The following DUSP15 variants were observed in gnomAD, a reference collection of about 807,000 sequenced individuals.
DUSP15 encodes dual specificity protein phosphatase 15.
A neutral mutation model predicts 26.3 loss-of-function variants in DUSP15; 23 were observed. The ratio of observed to expected loss-of-function variants is 0.87; its 90% CI spans 0.63 to 1.24. The LOEUF (loss-of-function observed/expected upper bound fraction) is 1.24, where lower values mean the gene tolerates loss of function less well. DUSP15 is among the 50% of genes most tolerant of loss of function. The pLI is 0.00. For missense variants in DUSP15, 364 were observed against 320.6 expected, an observed-to-expected ratio of 1.14 and a Z score of -1.03; for synonymous variants, 143 against 135.5, an observed-to-expected ratio of 1.06 and a Z score of -0.39.
At chr20:31,868,476 C>CTTTTT (rs35862553) in intron 2 of DUSP15, among the ~76,000 whole-genome samples, 1 of 97,330 alleles carries the variant, frequency 1.0e-5, no homozygotes, top group Admixed American at 1.2e-4. Flanking sequence ...TTTTCTTTCT[C>CTTTTT]TTTTTTTTTT....
intron 6 of DUSP15, among the ~76,000 whole-genome samples, chr20:31,852,530 G>A (rs2062487943): frequency 6.6e-6 from 1 of 152,218 alleles, no homozygotes; most frequent in South Asian, 2.1e-4. Context: ...GGAGATGTTG[G>A]CCGGGCATGG....
downstream of DUSP15, among the ~76,000 whole-genome samples, chr20:31,846,057 C>G (rs2062373048): frequency 6.6e-6 from 1 of 151,900 alleles, no homozygotes; most frequent in Admixed American, 6.6e-5. Context: ...CACAGAGAGA[C>G]ACACAGACAT....
Position 31,861,544 on chromosome 20 carries a change from G to C in DUSP15, c.567C>G (p.His189Gln). The C allele has an allele frequency of 6.6e-7, 1 of 1,508,582 alleles. No homozygotes were observed. The allele number at this position is 1,508,582 out of a possible 1,614,324, so 93.4% of individuals were successfully genotyped here. Residue 189 changes from histidine to glutamine, a missense_variant, in exon 7 of 7, where the codon CAC becomes CAG. By Grantham distance (24) the His-to-Gln change is conservative (BLOSUM62 0). Coordinates refer to ENST00000339738, the MANE Select transcript of DUSP15 (RefSeq NM_080611.5). ...GCACGGTTCCCTCGGAGGCTGCTGA[G>C]TGCGGCCCGGCGGAGGAGGCCGAGG... ...SATSASSAGP[H>Q]SAASEGTVQR...
In DUSP15 at chr20:31,862,591, C is replaced by A; in HGVS notation, c.415G>T (p.Gly139Cys). The A allele has an allele frequency of 6.2e-7, 1 of 1,612,616 alleles. No homozygotes were observed. The highest frequency in any genetic ancestry group is 8.5e-7 in the Non-Finnish European group (1 of 1,179,018). ...CCTACCTTCTGGGAACTGGCCCAGC[C>A]AAACTCTTCAAGCTGCTGCCTAAAG... The part of the protein sequence containing the change: ...PGFRQQLEEF[G>C]WASSQKLRRQ... Residue 139 changes from glycine to cysteine, a missense_variant, in exon 6 of 7, where the codon GGC (glycine) becomes TGC (cysteine). By Grantham distance (159) the Gly-to-Cys change is radical (BLOSUM62 -3). Coordinates refer to ENST00000339738, the MANE Select transcript of DUSP15 (RefSeq NM_080611.5).
intron 6 of DUSP15, among the ~76,000 whole-genome samples, chr20:31,852,518 T>C (rs142230031): frequency 6.6e-6 from 1 of 152,260 alleles, no homozygotes; most frequent in East Asian, 1.9e-4. Flanking sequence ...CTTGTAGAAG[T>C]TGGAGATGTT....
intron 6 of DUSP15, among the ~76,000 whole-genome samples, chr20:31,851,535 T>G (rs1600437071): frequency 6.7e-6 from 1 of 149,850 alleles, no homozygotes; most frequent in African/African-American, 2.5e-5. Flanking sequence ...ATGGTGGAGG[T>G]GAAGGGAATG....
chr20:31,868,965 G>GC (rs1004669224), intron 2 of DUSP15, among the ~76,000 whole-genome samples: 27 of 152,220 alleles, frequency 1.8e-4, no homozygotes, highest in East Asian at 5.8e-4. Flanking sequence ...CCGGCTCACC[G>GC]CCCCCCCAAC....
intron 7 of DUSP15, among the ~76,000 whole-genome samples, chr20:31,850,161 A>G (rs907443050): frequency 4.6e-5 from 7 of 152,206 alleles, no homozygotes; most frequent in Admixed American, 4.6e-4. Context: ...GGATTCTAGG[A>G]GCTTCCTCCC....
At chr20:31,860,877 G>GA (rs1217787619), downstream of DUSP15, among the ~76,000 whole-genome samples, 1 of 152,220 alleles carries the variant, frequency 6.6e-6, no homozygotes, top group African/African-American at 2.4e-5. Context: ...AGATGTTAGA[G>GA]AAGGAGGTGG....
Position 31,861,510 on chromosome 20 carries a change from C to T in DUSP15, c.601G>A (p.Val201Met), listed in dbSNP as rs749993547. ...TGGGCTTCCCGGGGCGTGCGCGGCA[C>T]CAGGCGCTGCACGGTTCCCTCGGAG... is the stretch of plus-strand genomic sequence containing the variant. Reference protein sequence around the residue: ...AASEGTVQRLVPRTPREAHRP... With the variant: ...AASEGTVQRLMPRTPREAHRP... Residue 201 changes from valine (V) to methionine (M), a missense_variant, in exon 7 of 7, where the codon GTG (valine) becomes ATG (methionine). By Grantham distance (21) the Val-to-Met change is conservative. Coordinates refer to ENST00000339738, the MANE Select transcript of DUSP15 (RefSeq NM_080611.5). 3.2e-5 allele frequency: 49 copies of T among 1,527,792 alleles called. No individual in the cohort carries two copies. Among genetic ancestry groups the T allele is most frequent in the Non-Finnish European group, 4.1e-5 (47 of 1,146,484 alleles). 94.6% of individuals were successfully genotyped at this position (1,527,792 alleles called of 1,614,324 possible).
At position 31,848,851 on chromosome 20, in the gene DUSP15, GTCC is replaced by G. The variant is rs773382877; in HGVS notation, c.678_680del (p.Glu226del). ...CCTTGGGGTGCTGTGTGGGGCCCGG[GTCC>G]TCCTCACCGAAGCACAGACAGATCT... On this transcript the variant is annotated inframe_deletion, in exon 9 of 10. Transcript: ENST00000278979. The G allele has an allele frequency of 1.6e-5, 25 of 1,612,154 alleles. 1 individual carries two copies. The highest frequency in any genetic ancestry group is 6.6e-5 in the South Asian group (6 of 91,030).
intron 8 of DUSP15, chr20:31,849,031 T>C (rs1233747569): frequency 2.7e-6 from 2 of 729,426 alleles, no homozygotes; most frequent in Non-Finnish European, 4.6e-6. Flanking sequence ...TCCCATTGTG[T>C]GCCTGTACCC....
chr20:31,846,476 G>GAGAGAGAGAGAGAGAGAGAGAGAGAGA (rs1555791617), downstream of DUSP15, among the ~76,000 whole-genome samples: 1 of 128,450 alleles, frequency 7.8e-6, no homozygotes, highest in African/African-American at 3.9e-5. Context: ...GAGAGAGAGA[G>GAGAGAGAGAGAGAGAGAGAGAGAGAGA]GAGAGAGAGG....
At chr20:31,862,909 C>G (rs115254807) in intron 5 of DUSP15, among the ~76,000 whole-genome samples, 167 bp from the exon 6 acceptor site, 218 of 152,340 alleles carry the variant, frequency 1.4e-3, no homozygotes, top group African/African-American at 4.9e-3. Flanking sequence ...ATGCTGTTCC[C>G]TCTGTCTAGA....
At position 31,854,098 on chromosome 20, in the gene DUSP15, C is replaced by A. The variant is rs111669783; in HGVS notation, c.427-3422G>T. On this transcript the variant is annotated intron_variant, in intron 6 of 9. Coordinates refer to the DUSP15 transcript ENST00000278979. The stretch of plus-strand genomic sequence containing the variant: ...CCAGTGTGGTCAAAGAGGAGGCCAT[C>A]AGGAGATGTATTGCTACATTTCTCT... 6.2e-3 allele frequency among the ~76,000 whole-genome samples: 944 copies of A among 152,294 alleles called. 9 individuals are homozygous for A. The highest frequency in any genetic ancestry group is 0.021 in the African/African-American group (889 of 41,566).
Position 31,864,241 on chromosome 20 carries a change from G to A in DUSP15, c.189-260C>T. 9 of 1,220,556 alleles carry A rather than the reference G, an allele frequency of 7.4e-6. 1 individual carries two copies. The South Asian group carries it at 2.0e-4, about 27-fold the overall frequency. The allele number at this position is 1,220,556 out of a possible 1,614,324, so 75.6% of individuals were successfully genotyped here. A position where few individuals can be genotyped will look rare whatever the true frequency, so the allele number is the denominator to read the frequency against. The stretch of plus-strand genomic sequence containing the variant: ...ATCTAGGCAGGAGCACTCCTCCTGT[G>A]GACCCTGTTTTCATGTTGGGTTTAT... On this transcript the variant is annotated intron_variant, in intron 4 of 6. Transcript: ENST00000339738.
At chr20:31,857,196 T>C (rs962069368), downstream of DUSP15, among the ~76,000 whole-genome samples, 1 of 151,964 alleles carries the variant, frequency 6.6e-6, no homozygotes, top group Non-Finnish European at 1.5e-5. Flanking sequence ...GGTGGTAGTG[T>C]GTGGATGTGC....
At chr20:31,858,425 C>A (rs2062597525), downstream of DUSP15, among the ~76,000 whole-genome samples, 1 of 152,196 alleles carries the variant, frequency 6.6e-6, no homozygotes. The surrounding 1 kb of genome is among the most constrained non-coding windows in gnomAD (Gnocchi z 4.4). Context: ...CTACGGGCCA[C>A]CTGGATGATG....
chr20:31,857,624 A>G (rs1336992937), downstream of DUSP15, among the ~76,000 whole-genome samples: 1 of 152,080 alleles, frequency 6.6e-6, no homozygotes, highest in East Asian at 1.9e-4. Flanking sequence ...TAAATGCTTC[A>G]TGTCTTTATC....
Sources: gnomAD v4.1 joint callset for allele counts (sites outside exome capture counted in the v4.1 genomes callset) on GRCh38, gnomAD v4.1.1 for gene constraint, Gnocchi (gnomAD v3.1) non-coding constraint, MANE v1.5 for transcripts, NCBI Gene and HGNC (gene_info 2026-07-23, HGNC 2026-07-21) for gene names.